Variants in KANK1 observed in about 807,000 individuals in gnomAD.
The protein encoded by KANK1 is KN motif and ankyrin repeat domain-containing protein 1.
KANK1 carries 109 observed loss-of-function variants against 106.2 expected under a neutral mutation model. The ratio of observed to expected loss-of-function variants is 1.03; its 90% CI spans 0.88 to 1.20. The LOEUF (loss-of-function observed/expected upper bound fraction) is 1.20. Ranked by LOEUF, KANK1 falls within the 50% of genes most tolerant of loss-of-function variation. KANK1 has a pLI of 0.00. For synonymous variants in KANK1, 873 were observed against 652.2 expected (o/e 1.34, Z -5.16); for missense variants, 2,399 against 1,710.7 (o/e 1.40, Z -7.10).
intron 1 of KANK1, among the ~76,000 whole-genome samples, chr9:559,592 G>A (rs1480726034): frequency 6.6e-6 from 1 of 152,268 alleles, no homozygotes; most frequent in East Asian, 1.9e-4. Context: ...TAAAATGTAA[G>A]TGCATAATAA....
At chr9:563,907 C>G (rs1382213665) in intron 1 of KANK1, among the ~76,000 whole-genome samples, 1 of 152,086 alleles carries the variant, frequency 6.6e-6, no homozygotes, top group African/African-American at 2.4e-5. Flanking sequence ...GTTGGAAACC[C>G]AATAAAAATC....
At chr9:483,274 T>C (rs2058238059) in intron 3 of KANK1, among the ~76,000 whole-genome samples, 1 of 152,102 alleles carries the variant, frequency 6.6e-6, no homozygotes, top group South Asian at 2.1e-4. Flanking sequence ...GAGGGGAGTA[T>C]GGTAATGCAG....
At chr9:638,132 A>G (rs1837571106) in intron 1 of KANK1, among the ~76,000 whole-genome samples, 1 of 152,220 alleles carries the variant, frequency 6.6e-6, no homozygotes, top group African/African-American at 2.4e-5. Context: ...AGAACTTCTT[A>G]TCAAATATAA....
chr9:535,132 A>G (rs79614110), intron 1 of KANK1, among the ~76,000 whole-genome samples: 9,096 of 152,230 alleles, frequency 0.06, 360 homozygotes, highest in Non-Finnish European at 0.09. Flanking sequence ...GTTTCCAGCA[A>G]TAGAGTCACC....
At chr9:526,918 T>C (rs9407293) in intron 1 of KANK1, among the ~76,000 whole-genome samples, 59,860 of 151,304 alleles carry the variant, frequency 0.4, 13,726 homozygotes, top group African/African-American at 0.61. Context: ...TCTCTTCTCC[T>C]GCTGTAATAT....
At chr9:506,842 G>A (rs554857624) in intron 1 of KANK1, among the ~76,000 whole-genome samples, 15 of 152,288 alleles carry the variant, frequency 9.8e-5, no homozygotes, top group African/African-American at 3.6e-4. Flanking sequence ...GATAATGGCC[G>A]AAAGGGGCAG....
intron 1 of KANK1, among the ~76,000 whole-genome samples, chr9:630,983 A>G (rs754679779): frequency 6.6e-6 from 1 of 152,150 alleles, no homozygotes; most frequent in Non-Finnish European, 1.5e-5. Context: ...AAAAGTGCTT[A>G]GTCAATATCT....
At chr9:676,447 A>G (rs374951688) in intron 1 of KANK1, among the ~76,000 whole-genome samples, 9 of 152,350 alleles carry the variant, frequency 5.9e-5, no homozygotes, top group African/African-American at 2.2e-4. Context: ...ATTTCCATGA[A>G]GTTAATCTTT....
upstream of KANK1, among the ~76,000 whole-genome samples, chr9:503,441 C>G (rs1188341851): frequency 6.6e-6 from 1 of 152,172 alleles, no homozygotes; most frequent in African/African-American, 2.4e-5. Flanking sequence ...CCTAAACAGT[C>G]AGGAGCCATC....
At chr9:616,762 C>G (rs1435129638) in intron 1 of KANK1, among the ~76,000 whole-genome samples, 1 of 152,182 alleles carries the variant, frequency 6.6e-6, no homozygotes, top group East Asian at 1.9e-4. Context: ...TTGACCTCAA[C>G]CTGTGATGGA....
chr9:644,706 A>C (rs77704870), intron 1 of KANK1, among the ~76,000 whole-genome samples: 8,368 of 150,798 alleles, frequency 0.055, 519 homozygotes, highest in African/African-American at 0.077. Flanking sequence ...CACCTTCAAC[A>C]CTCGGGATTA....
intron 2 of KANK1, chr9:693,592 G>A (rs1820506356): frequency 3.0e-6 from 3 of 985,280 alleles, no homozygotes; most frequent in South Asian, 9.4e-5. Context: ...GACGCCAAGA[G>A]TCCTGGAATT....
chr9:619,794 C>T lies in KANK1; in HGVS notation c.-83-57096C>T, dbSNP rs191435253. On this transcript the variant is annotated intron_variant, in intron 1 of 11. Transcript: ENST00000382297. ...ATGATTTTTAAATACTTTAAACAGG[C>T]TCTTCCACTGGTGAGATTGTTTTTC... 3.9e-4 allele frequency among the ~76,000 whole-genome samples: 60 copies of T among 152,178 alleles called. No individual in the cohort carries two copies. In the East Asian group the frequency reaches 9.6e-3, roughly 24 times the overall value.
chr9:612,667 A>T (rs145515509), intron 1 of KANK1, among the ~76,000 whole-genome samples: 6 of 152,218 alleles, frequency 3.9e-5, no homozygotes, highest in Admixed American at 1.3e-4. Flanking sequence ...ATGAGAAATT[A>T]AAAAAGCAGT....
intron 8 of KANK1, among the ~76,000 whole-genome samples, chr9:739,742 G>T (rs1211712098): frequency 1.3e-5 from 2 of 152,094 alleles, no homozygotes; most frequent in Non-Finnish European, 2.9e-5. Flanking sequence ...TCCATTGCTG[G>T]ATGGTTTGGG....
In KANK1 at chr9:711,903, G is replaced by A; in HGVS notation, c.1137G>A (p.Gln379=). ...CAGCAGACATGCAAGCCCTGGAGCA[G>A]AAGATCCAGGACAGCAGCTGTGAGG... ...QLTADMQALE[Q]KIQDSSCEAS... The change falls in exon 3 of 12, where the codon CAG becomes CAA. Residue 379 remains glutamine (Q), a synonymous_variant. Coordinates refer to ENST00000382297, the MANE Select transcript of KANK1 (RefSeq NM_015158.5). 3 of 1,614,196 alleles carry A rather than the reference G, an allele frequency of 1.9e-6. No homozygotes were observed. Among genetic ancestry groups the A allele is most frequent in the Non-Finnish European group, 2.5e-6 (3 of 1,180,034 alleles).
chr9:690,550 A>G lies in KANK1; in HGVS notation c.37+13541A>G, dbSNP rs145664894. Among the ~76,000 whole-genome samples the G allele has an allele frequency of 1.8e-4, 27 of 151,942 alleles. No individual in the cohort carries two copies. The East Asian group carries it at 5.2e-3, about 29-fold the overall frequency. ...ACCTGCAGCAGTGGAGTCCAGAAGA[A>G]TTGTGCACAGTGGGTGGTGGGGAAA... On this transcript the variant is annotated intron_variant, in intron 2 of 11. Coordinates refer to ENST00000382297, the MANE Select transcript of KANK1 (RefSeq NM_015158.5).
chr9:693,865 G>A, intron 2 of KANK1: 1 of 947,354 alleles, frequency 1.1e-6, no homozygotes, highest in Non-Finnish European at 1.3e-6. Flanking sequence ...ATAAACTCGA[G>A]CTCTGTGTGT....
intron 3 of KANK1, among the ~76,000 whole-genome samples, chr9:497,102 A>G (rs1322673421): frequency 6.6e-6 from 1 of 152,172 alleles, no homozygotes; most frequent in Non-Finnish European, 1.5e-5. Flanking sequence ...AAATGAACCA[A>G]TGTGTCCTTT....
Sources: allele counts gnomAD v4.1 joint callset (sites outside exome capture counted in the v4.1 genomes callset), GRCh38; gene constraint gnomAD v4.1.1; transcripts MANE v1.5; gene names NCBI Gene and HGNC (gene_info 2026-07-23, HGNC 2026-07-21).